CACNA1E: variants seen among roughly 807,000 people sequenced by gnomAD.
CACNA1E encodes the protein voltage-dependent R-type calcium channel subunit alpha-1E.
CACNA1E carries 40 observed loss-of-function variants against 259.2 expected under a neutral mutation model. The observed-to-expected ratio is 0.15, with a 90% CI of 0.12 to 0.20. The LOEUF is 0.20. Among genes scored for constraint, CACNA1E ranks in the 10% least tolerant of loss-of-function variants. The pLI is 1.00. For missense variants in CACNA1E, 1,874 were observed against 3,040.1 expected (o/e 0.62, Z 9.02); for synonymous variants, 1,104 against 1,138.5 (o/e 0.97, Z 0.61).
chr1:181,705,503 A>G (rs925093386), intron 7 of CACNA1E, among the ~76,000 whole-genome samples: 48 of 152,226 alleles, frequency 3.2e-4, no homozygotes, highest in Non-Finnish European at 6.6e-4. Flanking sequence ...TGAAATTTAG[A>G]AACCCAAACC....
chr1:181,798,902 C>T lies in CACNA1E; in HGVS notation c.*68C>T. The T allele has an allele frequency of 7.2e-7, 1 of 1,382,974 alleles. No homozygotes were observed. Among genetic ancestry groups the T allele is most frequent in the Non-Finnish European group, 9.5e-7 (1 of 1,050,754 alleles). 85.7% of individuals were successfully genotyped at this position (1,382,974 alleles called of 1,614,324 possible). On this transcript the variant is annotated 3_prime_UTR_variant, in exon 48 of 48. Transcript: ENST00000367573. This position sits in a 1 kb window ranked among gnomAD's most constrained non-coding sequence, Gnocchi z 4.2. ...GAAAACCAAGACAGAATTGGGAAGCCAGTGCGGCCCGGGGGGGAGGAAGAG... is the reference window on the plus strand; with the variant it reads ...GAAAACCAAGACAGAATTGGGAAGCTAGTGCGGCCCGGGGGGGAGGAAGAG...
intron 1 of CACNA1E, among the ~76,000 whole-genome samples, chr1:181,368,285 TAA>T (rs772565091): frequency 4.1e-4 from 55 of 133,118 alleles, no homozygotes; most frequent in African/African-American, 1.3e-3. Context: ...AGACTCTGTC[TAA>T]AAAAAAAAAA....
At chr1:181,574,988 G>A (rs1650813414) in intron 3 of CACNA1E, among the ~76,000 whole-genome samples, 1 of 150,978 alleles carries the variant, frequency 6.6e-6, no homozygotes, top group South Asian at 2.1e-4. Flanking sequence ...TCGTGCCATT[G>A]CACTCCAGCC....
chr1:181,533,621 A>C (rs980231236), intron 3 of CACNA1E, among the ~76,000 whole-genome samples: 3 of 152,016 alleles, frequency 2.0e-5, no homozygotes, highest in African/African-American at 7.2e-5. Flanking sequence ...ACTTGTCAAA[A>C]TCTTCAGGTT....
chr1:181,387,976 G>A (rs1655971553), intron 1 of CACNA1E, among the ~76,000 whole-genome samples: 1 of 152,138 alleles, frequency 6.6e-6, no homozygotes, highest in South Asian at 2.1e-4. Context: ...ACCCTATAAA[G>A]CAAGCCTGAT....
At chr1:181,734,627 G>C (rs559437089) in intron 21 of CACNA1E, among the ~76,000 whole-genome samples, 63 of 65,750 alleles carry the variant, frequency 9.6e-4, no homozygotes, top group African/African-American at 1.2e-3. Flanking sequence ...CCATCCCTGC[G>C]CTGACCCCAC....
chr1:181,367,614 AAT>A (rs1420535070), intron 1 of CACNA1E, among the ~76,000 whole-genome samples: 2 of 148,374 alleles, frequency 1.3e-5, no homozygotes, highest in African/African-American at 4.9e-5. Flanking sequence ...ATAATTATAT[AAT>A]ATATGATTAA....
intron 7 of CACNA1E, among the ~76,000 whole-genome samples, chr1:181,695,698 C>T (rs759067038): frequency 1.3e-5 from 2 of 152,192 alleles, no homozygotes; most frequent in Admixed American, 1.3e-4. Flanking sequence ...TGTGGTGGCT[C>T]ATGCCTGTAA....
At chr1:181,630,097 A>T (rs915847040) in intron 6 of CACNA1E, among the ~76,000 whole-genome samples, 1 of 143,758 alleles carries the variant, frequency 7.0e-6, no homozygotes, top group East Asian at 2.2e-4. Context: ...GGCCATAAGC[A>T]CTTACCACAG....
chr1:181,426,972 C>CCA (rs1181992627), intron 2 of CACNA1E, among the ~76,000 whole-genome samples: 2 of 150,600 alleles, frequency 1.3e-5, no homozygotes, highest in Non-Finnish European at 3.0e-5. Flanking sequence ...CAACCCCTTC[C>CCA]CATCTCAACC....
chr1:181,736,444 C>A lies in CACNA1E; in HGVS notation c.3422+10C>A, dbSNP rs1468612771. 1.2e-6 allele frequency: 2 copies of A among 1,608,600 alleles called. No individual in the cohort carries two copies. Among genetic ancestry groups the A allele is most frequent in the Admixed American group, 3.4e-5 (2 of 59,524 alleles). ...TCAGCACCACCAACCCGTAAGCCACCCTCGCGTTGCTCCCTCTTTAGTGCT... is the reference window on the plus strand; with the variant it reads ...TCAGCACCACCAACCCGTAAGCCACACTCGCGTTGCTCCCTCTTTAGTGCT... On this transcript the variant is annotated intron_variant, in intron 22 of 47. Transcript: ENST00000367573.
chr1:181,470,778 G>T (rs904551840), intron 2 of CACNA1E, among the ~76,000 whole-genome samples: 1 of 152,056 alleles, frequency 6.6e-6, no homozygotes, highest in African/African-American at 2.4e-5. Flanking sequence ...TGGGCCTACT[G>T]CTTGGCTCTT....
At chr1:181,399,372 T>G (rs1400543062) in intron 1 of CACNA1E, among the ~76,000 whole-genome samples, 2 of 152,254 alleles carry the variant, frequency 1.3e-5, no homozygotes, top group South Asian at 2.1e-4. Flanking sequence ...TCATTGTTTT[T>G]ATTGCTGATT....
chr1:181,355,475 G>A (rs1395407464), intron 1 of CACNA1E, among the ~76,000 whole-genome samples: 1 of 151,956 alleles, frequency 6.6e-6, no homozygotes, highest in Non-Finnish European at 1.5e-5. Flanking sequence ...GTAATCCCAG[G>A]TACTCGGGAG....
intron 35 of CACNA1E, among the ~76,000 whole-genome samples, chr1:181,770,729 T>C (rs1355412461): frequency 1.3e-5 from 2 of 152,170 alleles, no homozygotes; most frequent in Non-Finnish European, 2.9e-5. Flanking sequence ...ATTAATGACA[T>C]ACAGACCTTC....
At chr1:181,643,160 A>T (rs1347665560) in intron 6 of CACNA1E, among the ~76,000 whole-genome samples, 2 of 152,218 alleles carry the variant, frequency 1.3e-5, no homozygotes, top group Non-Finnish European at 2.9e-5. Context: ...ATTTTCAGTC[A>T]TGCACAAAAG....
chr1:181,392,775 A>G (rs765543581), intron 1 of CACNA1E, among the ~76,000 whole-genome samples: 1 of 152,230 alleles, frequency 6.6e-6, no homozygotes, highest in African/African-American at 2.4e-5. Flanking sequence ...CATGAAGAGA[A>G]GGGAGGCTGC....
chr1:181,357,407 C>T lies in CACNA1E; in HGVS notation c.-15+39284C>T, dbSNP rs575165552. ...CCATATGAGAAAATGGAGATGGATGCGTTAGTCTCTTCTCAGGTCACCTAG... is the reference window on the plus strand; with the variant it reads ...CCATATGAGAAAATGGAGATGGATGTGTTAGTCTCTTCTCAGGTCACCTAG... On this transcript the variant is annotated intron_variant, in intron 1 of 11. Transcript: ENST00000524607. Among the ~76,000 whole-genome samples the T allele has an allele frequency of 6.6e-5, 10 of 152,354 alleles. No homozygotes were observed. In the East Asian group the frequency reaches 7.7e-4, roughly 12 times the overall value.
At chr1:181,690,782 T>C (rs1211908193) in intron 7 of CACNA1E, among the ~76,000 whole-genome samples, 5 of 152,052 alleles carry the variant, frequency 3.3e-5, no homozygotes, top group Non-Finnish European at 7.4e-5. Flanking sequence ...CTGTCTATTA[T>C]TGGTGTATAG....
Sources: gnomAD v4.1 joint callset for allele counts (sites outside exome capture counted in the v4.1 genomes callset) on GRCh38, gnomAD v4.1.1 for gene constraint, Gnocchi (gnomAD v3.1) non-coding constraint, MANE v1.5 for transcripts, NCBI Gene and HGNC (gene_info 2026-07-23, HGNC 2026-07-21) for gene names.